MED26: variants seen among roughly 807,000 people sequenced by gnomAD.
The protein encoded by MED26 is mediator of RNA polymerase II transcription subunit 26.
MED26 carries 7 observed loss-of-function variants against 43.7 expected under a neutral mutation model. The observed-to-expected ratio is 0.16, with a 90% CI of 0.09 to 0.30. The LOEUF (loss-of-function observed/expected upper bound fraction) is 0.30, where lower values mean the gene tolerates loss of function less well. Among genes scored for constraint, MED26 ranks in the 10% least tolerant of loss-of-function variants. The pLI is 1.00. For synonymous variants in MED26, 375 were observed against 371.1 expected, an observed-to-expected ratio of 1.01 and a Z score of -0.12; for missense variants, 784 against 840.6, an observed-to-expected ratio of 0.93 and a Z score of 0.83.
At chr19:16,601,305 G>A (rs188091195) in intron 1 of MED26, among the ~76,000 whole-genome samples, 2 of 149,676 alleles carry the variant, frequency 1.3e-5, no homozygotes, top group South Asian at 2.3e-4. Context: ...ACAGGCATGC[G>A]CCACCACGCC....
At position 16,575,963 on chromosome 19, in the gene MED26, C is replaced by CACCT; in HGVS notation, c.*60_*63dup. On this transcript the variant is annotated 3_prime_UTR_variant, in exon 3 of 3. Transcript: ENST00000263390. ...GGCAGCTGGGCCCCGGCCACCTGCC[C>CACCT]ACCTGCCTGCCCGCCCACCCGGCTT... 1 of 1,508,354 alleles carries CACCT rather than the reference C, an allele frequency of 6.6e-7. No homozygotes were observed. The highest frequency in any genetic ancestry group is 9.0e-7 in the Non-Finnish European group (1 of 1,111,664). 93.4% of individuals were successfully genotyped at this position (1,508,354 alleles called of 1,614,324 possible).
At chr19:16,611,261 G>T in intron 1 of MED26, 1 of 152,418 alleles carries the variant, frequency 6.6e-6, no homozygotes. Context: ...GCCATGGGGT[G>T]TGGCTTCACT....
At chr19:16,581,363 A>C (rs1004235757) in intron 1 of MED26, among the ~76,000 whole-genome samples, 2 of 152,184 alleles carry the variant, frequency 1.3e-5, no homozygotes, top group Non-Finnish European at 2.9e-5. Flanking sequence ...TGCGATGAGG[A>C]GGCCAGTCCC....
chr19:16,593,526 T>C (rs1015257549), intron 1 of MED26, among the ~76,000 whole-genome samples: 1 of 152,214 alleles, frequency 6.6e-6, no homozygotes, highest in Admixed American at 6.5e-5. Flanking sequence ...GCCTGGCAAC[T>C]AGCAGGGACT....
chr19:16,588,716 C>G (rs1011646811), intron 1 of MED26: 7 of 152,300 alleles, frequency 4.6e-5, no homozygotes, highest in African/African-American at 1.7e-4. Flanking sequence ...GCTCTGTGGT[C>G]TGTAAGATCC....
chr19:16,614,330 C>A (rs2086213159), intron 1 of MED26, among the ~76,000 whole-genome samples: 1 of 152,054 alleles, frequency 6.6e-6, no homozygotes, highest in Non-Finnish European at 1.5e-5. Context: ...GAATTTGAGA[C>A]CAGCCTGGGC....
In MED26 at chr19:16,580,102, G is replaced by C. The variant is rs1283934766; in HGVS notation, c.73-1693C>G. ...CTGAGCTAGTGCACAGACAGCCATGGAGGAGCTGGGGCTCCACATCCATGC... is the reference window on the plus strand; with the variant it reads ...CTGAGCTAGTGCACAGACAGCCATGCAGGAGCTGGGGCTCCACATCCATGC... On this transcript the variant is annotated intron_variant, in intron 1 of 2. Coordinates refer to ENST00000263390, the MANE Select transcript of MED26 (RefSeq NM_004831.5). Among the ~76,000 whole-genome samples, 5 of 152,202 alleles carry C rather than the reference G, an allele frequency of 3.3e-5. No homozygotes were observed. In the East Asian group the frequency reaches 9.6e-4, roughly 29 times the overall value.
chr19:16,581,681 C>T (rs908561437), intron 1 of MED26, among the ~76,000 whole-genome samples: 3 of 152,212 alleles, frequency 2.0e-5, no homozygotes, highest in Admixed American at 6.5e-5. Flanking sequence ...CAGAAATCAC[C>T]GCTGAACTAA....
chr19:16,576,453 C>T lies in MED26; in HGVS notation c.1377G>A (p.Leu459=). ...GGCTGGCCTTGGCCTCCTGCTTGTC[C>T]AGCTCTGTCCTGGACTGCTGCTCCA... ...VHMEQQSRTE[L]DKQEAKASLQ... Residue 459 remains leucine (L), a synonymous_variant, in exon 3 of 3, where the codon CTG becomes CTA. Coordinates refer to ENST00000263390, the MANE Select transcript of MED26 (RefSeq NM_004831.5). This position sits in a 1 kb window ranked among gnomAD's most constrained non-coding sequence, Gnocchi z 6.8. 6.2e-7 allele frequency: 1 copy of T among 1,614,174 alleles called. No individual in the cohort carries two copies. The highest frequency in any genetic ancestry group is 8.5e-7 in the Non-Finnish European group (1 of 1,180,024).
At chr19:16,592,877 C>G (rs80214828) in intron 1 of MED26, among the ~76,000 whole-genome samples, 6,333 of 152,302 alleles carry the variant, frequency 0.042, 179 homozygotes, top group African/African-American at 0.084. Flanking sequence ...TGGAATGCAA[C>G]TGTTCCAAAG....
Position 16,601,832 on chromosome 19 carries a change from C to T in MED26, c.73-23423G>A, listed in dbSNP as rs2086151061. On this transcript the variant is annotated intron_variant, in intron 1 of 2. Transcript: ENST00000263390. ...TGCTCAGCTCAGGGAGTGACAGGGTCAGACTGTCGTTTTAAATAGCTCATT... is the reference window on the plus strand; with the variant it reads ...TGCTCAGCTCAGGGAGTGACAGGGTTAGACTGTCGTTTTAAATAGCTCATT... Among the ~76,000 whole-genome samples the T allele has an allele frequency of 1.3e-5, 2 of 152,250 alleles. 1 individual carries two copies. Among genetic ancestry groups the T allele is most frequent in the South Asian group, 4.1e-4 (2 of 4,836 alleles).
intron 1 of MED26, among the ~76,000 whole-genome samples, chr19:16,583,719 A>G (rs1390310488): frequency 6.6e-6 from 1 of 152,168 alleles, no homozygotes; most frequent in Non-Finnish European, 1.5e-5. Context: ...TGTTGATGGA[A>G]CTGACTCCAC....
chr19:16,593,548 A>T (rs1260438917), intron 1 of MED26, among the ~76,000 whole-genome samples: 1 of 152,226 alleles, frequency 6.6e-6, no homozygotes, highest in Non-Finnish European at 1.5e-5. Flanking sequence ...GATACATGCC[A>T]AATGATGGGT....
In MED26 at chr19:16,628,009, G is replaced by A; in HGVS notation, c.-66C>T. The stretch of plus-strand genomic sequence containing the variant: ...GGGCGGGCTGAGGCGGGGGACGGGG[G>A]TCACTCACTCGCCGGCCTCCGGGAG... On this transcript the variant is annotated 5_prime_UTR_variant, in exon 1 of 3. Transcript: ENST00000263390. 2 of 1,044,580 alleles carry A rather than the reference G, an allele frequency of 1.9e-6. No homozygotes were observed. The highest frequency in any genetic ancestry group is 2.6e-6 in the Non-Finnish European group (2 of 775,136). 64.7% of individuals were successfully genotyped at this position (1,044,580 alleles called of 1,614,324 possible). A position where few individuals can be genotyped will look rare whatever the true frequency, so the allele number is the denominator to read the frequency against.
At position 16,576,420 on chromosome 19, in the gene MED26, G is replaced by A. The variant is rs1271665959; in HGVS notation, c.1410C>T (p.Ser470=). The A allele has an allele frequency of 6.2e-7, 1 of 1,614,160 alleles. No homozygotes were observed. The highest frequency in any genetic ancestry group is 2.2e-5 in the East Asian group (1 of 44,874). The change falls in exon 3 of 3, where the codon AGC becomes AGT. Residue 470 remains serine, a synonymous_variant. Coordinates refer to ENST00000263390, the MANE Select transcript of MED26 (RefSeq NM_004831.5). The surrounding 1 kb of genome is among the most constrained non-coding windows in gnomAD (Gnocchi z 6.8). ...DKQEAKASLQ[S]PFEQTNWKEL... ...CCTTCCAGTTCGTCTGTTCGAAGGGGCTCTGGAGGCTGGCCTTGGCCTCCT... is the reference window on the plus strand; with the variant it reads ...CCTTCCAGTTCGTCTGTTCGAAGGGACTCTGGAGGCTGGCCTTGGCCTCCT...
intron 1 of MED26, among the ~76,000 whole-genome samples, chr19:16,595,167 G>A (rs2086114630): frequency 1.3e-5 from 2 of 152,144 alleles, no homozygotes; most frequent in Non-Finnish European, 2.9e-5. Flanking sequence ...CCTCCAGTAG[G>A]TGCCTCTGCG....
intron 1 of MED26, among the ~76,000 whole-genome samples, chr19:16,609,336 A>AAAAAAGAGAGAGAG (rs765489188): frequency 4.9e-5 from 7 of 142,266 alleles, no homozygotes; most frequent in Non-Finnish European, 7.8e-5. Context: ...AAAAAAAAAA[A>AAAAAAGAGAGAGAG]AGAGAGAGAA....
intron 1 of MED26, among the ~76,000 whole-genome samples, chr19:16,625,997 G>A (rs1326450798): frequency 6.6e-6 from 1 of 152,114 alleles, no homozygotes; most frequent in East Asian, 1.9e-4. Flanking sequence ...CATAACCAGG[G>A]ACCTATATAG....
At chr19:16,582,148 C>T (rs2086048936) in intron 1 of MED26, among the ~76,000 whole-genome samples, 4 of 152,218 alleles carry the variant, frequency 2.6e-5, no homozygotes. Flanking sequence ...GGTGAGTGTC[C>T]AGTGCGGCCA....
Sources: allele counts gnomAD v4.1 joint callset (sites outside exome capture counted in the v4.1 genomes callset), GRCh38; gene constraint gnomAD v4.1.1; non-coding constraint Gnocchi (gnomAD v3.1); transcripts MANE v1.5; gene names NCBI Gene and HGNC (gene_info 2026-07-23, HGNC 2026-07-21).